Variants in ARHGEF33 observed in about 807,000 individuals in gnomAD.
ARHGEF33 encodes Rho guanine nucleotide exchange factor 33.
In ARHGEF33, 72 loss-of-function variants were observed where a neutral mutation model predicts 101.9. The ratio of observed to expected loss-of-function variants is 0.71; its 90% CI spans 0.58 to 0.86. ARHGEF33 has a LOEUF of 0.86. Ranked by LOEUF, ARHGEF33 falls within the 40% of genes least tolerant of loss-of-function variation. The pLI is 0.00. For missense variants in ARHGEF33, 1,169 were observed against 1,111.3 expected (o/e 1.05, Z -0.74); for synonymous variants, 499 against 442.5 (o/e 1.13, Z -1.60).
Position 38,947,783 on chromosome 2 carries a change from C to G in ARHGEF33, c.921-3206C>G, listed in dbSNP as rs143931163. 3.3e-3 allele frequency among the ~76,000 whole-genome samples: 502 copies of G among 152,214 alleles called. 2 individuals are homozygous for G. The highest frequency in any genetic ancestry group is 7.2e-3 in the Admixed American group (110 of 15,282). On this transcript the variant is annotated intron_variant, in intron 10 of 17. Transcript: ENST00000409978. ...GTCAATTAGCCTTGTAAGCTAAACTCCAGTGCTGTGTCCACCAAGAGCTCA... is the reference window on the plus strand; with the variant it reads ...GTCAATTAGCCTTGTAAGCTAAACTGCAGTGCTGTGTCCACCAAGAGCTCA...
intron 4 of ARHGEF33, among the ~76,000 whole-genome samples, chr2:38,926,830 A>G (rs1468643472): frequency 6.6e-6 from 1 of 152,064 alleles, no homozygotes; most frequent in Non-Finnish European, 1.5e-5. Context: ...TTTTCCAAGC[A>G]GGAAACCTAA....
Position 38,906,805 on chromosome 2 carries a change from C to CAA in ARHGEF33, c.-86+10975_-86+10976dup, listed in dbSNP as rs769713983. On this transcript the variant is annotated intron_variant, in intron 2 of 17. Coordinates refer to ENST00000409978, the MANE Select transcript of ARHGEF33 (RefSeq NM_001145451.5). The stretch of plus-strand genomic sequence containing the variant: ...GCAACATGGTGAAACCCTGTATCTA[C>CAA]AAAAAAAAAAAAAAAAAAAAGGTCT... Among the ~76,000 whole-genome samples the CAA allele has an allele frequency of 4.6e-4, 23 of 50,408 alleles. 1 individual carries two copies. The highest frequency in any genetic ancestry group is 1.8e-3 in the East Asian group (3 of 1,632). 33.1% of individuals were successfully genotyped at this position (50,408 alleles called of 152,430 possible). A position where few individuals can be genotyped will look rare whatever the true frequency, so the allele number is the denominator to read the frequency against.
intron 1 of ARHGEF33, 147 bp from the exon 2 acceptor site, chr2:38,895,630 A>G (rs1439990836): frequency 2.6e-5 from 4 of 152,178 alleles, no homozygotes; most frequent in Non-Finnish European, 5.9e-5. Context: ...TTTACTTTAT[A>G]TGTTTTTTAC....
chr2:38,940,464 G>A (rs560338114), intron 9 of ARHGEF33, among the ~76,000 whole-genome samples: 148 of 150,350 alleles, frequency 9.8e-4, no homozygotes, highest in African/African-American at 2.9e-3. Flanking sequence ...ATTTGCCTCC[G>A]TCATCCTATT....
At chr2:38,919,336 T>A (rs1666705569) in intron 2 of ARHGEF33, 27 bp from the exon 3 acceptor site, 3 of 1,073,344 alleles carry the variant, frequency 2.8e-6, no homozygotes, top group Non-Finnish European at 4.2e-6. Flanking sequence ...TTACTTGTTA[T>A]CCCTTACTCT....
chr2:38,930,145 G>T (rs948475425), intron 6 of ARHGEF33, among the ~76,000 whole-genome samples: 2 of 152,146 alleles, frequency 1.3e-5, no homozygotes, highest in African/African-American at 2.4e-5. Context: ...TGATAGTTGT[G>T]TTAAGATAGT....
At chr2:38,954,271 G>T in intron 12 of ARHGEF33, 102 bp from the exon 13 acceptor site, 1 of 689,400 alleles carries the variant, frequency 1.5e-6, no homozygotes, top group East Asian at 2.7e-5. Flanking sequence ...GGAAGAAAAT[G>T]CTCTGGGAGG....
intron 13 of ARHGEF33, among the ~76,000 whole-genome samples, chr2:38,955,469 A>G (rs1558442008): frequency 7.4e-6 from 1 of 135,490 alleles, no homozygotes; most frequent in Non-Finnish European, 1.6e-5. Flanking sequence ...CAAAGCATCA[A>G]TATTGAAAAG....
At chr2:38,938,730 C>T (rs1036031365) in intron 9 of ARHGEF33, among the ~76,000 whole-genome samples, 11 of 152,092 alleles carry the variant, frequency 7.2e-5, no homozygotes, top group East Asian at 3.9e-4. Context: ...TTCTTTCATG[C>T]ACTTTGCCAG....
At chr2:38,926,764 G>A (rs934577487) in intron 4 of ARHGEF33, among the ~76,000 whole-genome samples, 4 of 152,134 alleles carry the variant, frequency 2.6e-5, no homozygotes, top group Non-Finnish European at 5.9e-5. Context: ...CTCTGCCTAA[G>A]GGAGCAAGGA....
At chr2:38,906,985 G>A (rs1218215143) in intron 2 of ARHGEF33, among the ~76,000 whole-genome samples, 1 of 151,966 alleles carries the variant, frequency 6.6e-6, no homozygotes, top group African/African-American at 2.4e-5. Flanking sequence ...GGTGAGGAGA[G>A]TTGACAGATG....
chr2:38,955,557 T>G (rs1667719964), intron 13 of ARHGEF33, among the ~76,000 whole-genome samples: 1 of 149,404 alleles, frequency 6.7e-6, no homozygotes, highest in Admixed American at 6.7e-5. Flanking sequence ...GGTGTGATCT[T>G]GGCTTGATCT....
chr2:38,960,440 T>G lies in ARHGEF33; in HGVS notation c.2135T>G (p.Phe712Cys), dbSNP rs1486722972. 6.7e-7 allele frequency: 1 copy of G among 1,498,328 alleles called. No homozygotes were observed. The highest frequency in any genetic ancestry group is 1.5e-5 in the African/African-American group (1 of 68,866). 92.8% of individuals were successfully genotyped at this position (1,498,328 alleles called of 1,614,324 possible). A position where few individuals can be genotyped will look rare whatever the true frequency, so the allele number is the denominator to read the frequency against. Residue 712 changes from phenylalanine (F) to cysteine (C), a missense_variant, in exon 16 of 18, where the codon TTC becomes TGC. Phe to Cys is a radical substitution (Grantham distance 205). Transcript: ENST00000409978. The stretch of plus-strand genomic sequence containing the variant: ...CCGCTGAGCCGCTCTCTCAAAGAGT[T>G]CCCGCGTGCGCCGCCAGCCGACGGC... Reference protein sequence around the residue: ...AKPLSRSLKEFPRAPPADGVA... With the variant: ...AKPLSRSLKECPRAPPADGVA...
At chr2:38,957,144 G>C in intron 14 of ARHGEF33, 97 bp downstream of exon 14, 1 of 1,405,824 alleles carries the variant, frequency 7.1e-7, no homozygotes, top group South Asian at 1.3e-5. Context: ...CTGAAATGCA[G>C]TGGTGGGAGG....
intron 14 of ARHGEF33, among the ~76,000 whole-genome samples, chr2:38,957,710 G>A (rs956024731): frequency 6.6e-6 from 1 of 152,248 alleles, no homozygotes; most frequent in East Asian, 1.9e-4. Context: ...CCCAACTCCT[G>A]TGGAGGAGAA....
chr2:38,930,763 G>C (rs893505031), intron 6 of ARHGEF33, among the ~76,000 whole-genome samples: 1 of 152,198 alleles, frequency 6.6e-6, no homozygotes, highest in Admixed American at 6.5e-5. Flanking sequence ...ATACTTTTGA[G>C]TTGCATTGCT....
At chr2:38,924,568 T>A (rs1374426746) in intron 4 of ARHGEF33, among the ~76,000 whole-genome samples, 1 of 152,240 alleles carries the variant, frequency 6.6e-6, no homozygotes, top group Non-Finnish European at 1.5e-5. Context: ...TAAGCTCACT[T>A]GTAGCCTTAG....
At chr2:38,938,471 C>G (rs1667212131) in intron 9 of ARHGEF33, among the ~76,000 whole-genome samples, 1 of 152,138 alleles carries the variant, frequency 6.6e-6, no homozygotes, top group Non-Finnish European at 1.5e-5. Context: ...CTCAGGAGGT[C>G]GAGGCTGCAT....
At chr2:38,949,847 G>C (rs575366485) in intron 10 of ARHGEF33, among the ~76,000 whole-genome samples, 2 of 152,308 alleles carry the variant, frequency 1.3e-5, no homozygotes, top group East Asian at 1.9e-4. Flanking sequence ...GGGGAAGCAG[G>C]CATGTCACAG....
Sources: allele counts gnomAD v4.1 joint callset (sites outside exome capture counted in the v4.1 genomes callset), GRCh38; gene constraint gnomAD v4.1.1; transcripts MANE v1.5; gene names NCBI Gene and HGNC (gene_info 2026-07-23, HGNC 2026-07-21).